SLC25A28: variants seen among roughly 807,000 people sequenced by gnomAD.
SLC25A28 encodes mitoferrin-2.
A neutral mutation model predicts 31.9 loss-of-function variants in SLC25A28; 10 were observed. The observed-to-expected ratio is 0.31, with a 90% CI of 0.19 to 0.53. The LOEUF is 0.53. Among genes scored for constraint, SLC25A28 ranks in the 20% least tolerant of loss-of-function variants. The pLI is 0.95. For missense variants in SLC25A28, 256 were observed against 490.3 expected (o/e 0.52, Z 4.51); for synonymous variants, 208 against 203.6 (o/e 1.02, Z -0.19).
At chr10:99,634,148 C>T in the SLC25A28 span, among the ~76,000 whole-genome samples, 1 of 152,200 alleles carries the variant, frequency 6.6e-6, no homozygotes, top group Admixed American at 6.5e-5. Context: ...ATTTGAACAA[C>T]AGCCTTCAGC....
At position 99,611,020 on chromosome 10, in the gene SLC25A28, C is replaced by T; in HGVS notation, c.924G>A (p.Met308Ile). ...NSHITGHITG[M>I]ASAFRTVYQV... ...GATATACCGTCCTGAAGGCACTAGC[C>T]ATGCCTGTGATATGTCCTGTAATGT... is the stretch of plus-strand genomic sequence containing the variant. Residue 308 changes from methionine to isoleucine, a missense_variant, in exon 4 of 4, where the codon ATG becomes ATA. By Grantham distance (10) the Met-to-Ile change is conservative. Coordinates refer to ENST00000370495, the MANE Select transcript of SLC25A28 (RefSeq NM_031212.4). The surrounding 1 kb of genome is among the most constrained non-coding windows in gnomAD (Gnocchi z 5.5). The T allele has an allele frequency of 6.2e-7, 1 of 1,614,204 alleles. No homozygotes were observed. The highest frequency in any genetic ancestry group is 8.5e-7 in the Non-Finnish European group (1 of 1,180,046).
At chr10:99,617,871 G>T in intron 1 of SLC25A28, 1 of 742,112 alleles carries the variant, frequency 1.3e-6, no homozygotes, top group Non-Finnish European at 1.6e-6. Context: ...AGTAAGAACT[G>T]TTCTTCAAAA....
At chr10:99,628,592 AG>A in the SLC25A28 span, among the ~76,000 whole-genome samples, 1 of 152,232 alleles carries the variant, frequency 6.6e-6, no homozygotes, top group South Asian at 2.1e-4. Flanking sequence ...TGGGAGGCTA[AG>A]GTGGGTGGAT....
chr10:99,649,791 G>T, the SLC25A28 span, among the ~76,000 whole-genome samples: 1 of 151,886 alleles, frequency 6.6e-6, no homozygotes, highest in Non-Finnish European at 1.5e-5. Flanking sequence ...GTATTTCTGT[G>T]GTATCATTTT....
In SLC25A28 at chr10:99,619,530, A is replaced by G. The variant is rs182300766; in HGVS notation, c.291+515T>C. On this transcript the variant is annotated intron_variant, in intron 1 of 3. Coordinates refer to ENST00000370495, the MANE Select transcript of SLC25A28 (RefSeq NM_031212.4). ...ACTGCACAATGATTTCCAATCACTC[A>G]TGTGTTAAGATTTAACATGTAAGTC... The G allele has an allele frequency of 1.3e-4, 78 of 621,818 alleles. No homozygotes were observed. The African/African-American group carries it at 1.5e-3, about 12-fold the overall frequency. The allele number at this position is 621,818 out of a possible 1,614,324, so 38.5% of individuals were successfully genotyped here.
chr10:99,654,844 A>G, the SLC25A28 span, among the ~76,000 whole-genome samples: 1 of 152,224 alleles, frequency 6.6e-6, no homozygotes, highest in South Asian at 2.1e-4. Context: ...CTGCAAATAT[A>G]ATTGTAAGGC....
At chr10:99,649,140 T>C in the SLC25A28 span, among the ~76,000 whole-genome samples, 2 of 152,168 alleles carry the variant, frequency 1.3e-5, no homozygotes, top group Non-Finnish European at 2.9e-5. Flanking sequence ...CTATGCCTAG[T>C]TTATTGAGGA....
intron 1 of SLC25A28, chr10:99,615,891 G>A (rs879896034): frequency 2.0e-6 from 2 of 985,374 alleles, no homozygotes; most frequent in African/African-American, 1.7e-5. Flanking sequence ...AATTCTGAAC[G>A]GTTTGGCTTC....
At chr10:99,640,963 C>G in the SLC25A28 span, among the ~76,000 whole-genome samples, 1 of 152,184 alleles carries the variant, frequency 6.6e-6, no homozygotes, top group Non-Finnish European at 1.5e-5. Flanking sequence ...TCCAGTCTAT[C>G]ATTGGTGGAC....
chr10:99,636,782 T>G, the SLC25A28 span, among the ~76,000 whole-genome samples: 4 of 152,114 alleles, frequency 2.6e-5, no homozygotes, highest in African/African-American at 9.7e-5. Flanking sequence ...AGCAGTGAGA[T>G]TGAAACGGTA....
intron 3 of SLC25A28, 144 bp downstream of exon 3, chr10:99,612,399 G>T: frequency 1.2e-6 from 1 of 849,006 alleles, no homozygotes; most frequent in Non-Finnish European, 1.9e-6. Context: ...TGCCTCGTTA[G>T]GTACCAAAAA....
intron 1 of SLC25A28, chr10:99,617,579 GA>G: frequency 1.0e-6 from 1 of 985,406 alleles, no homozygotes; most frequent in African/African-American, 1.7e-5. Context: ...TTTTCTGAAG[GA>G]AGAGATTTGA....
At chr10:99,618,517 A>G (rs1056008952) in intron 1 of SLC25A28, 18 of 985,294 alleles carry the variant, frequency 1.8e-5, no homozygotes, top group Non-Finnish European at 2.0e-5. Context: ...AAGTCATTCA[A>G]CCTAGAGTCT....
intron 1 of SLC25A28, chr10:99,618,765 T>C (rs900843088): frequency 1.0e-6 from 1 of 985,352 alleles, no homozygotes; most frequent in Non-Finnish European, 1.2e-6. Flanking sequence ...CAAAGCTTAA[T>C]GAGCGCTCCC....
chr10:99,632,774 T>C, the SLC25A28 span, among the ~76,000 whole-genome samples: 1 of 152,190 alleles, frequency 6.6e-6, no homozygotes, highest in East Asian at 1.9e-4. Flanking sequence ...CAGCACCAAA[T>C]TTTGGGTATC....
the SLC25A28 span, among the ~76,000 whole-genome samples, chr10:99,654,520 G>A: frequency 6.6e-6 from 1 of 152,062 alleles, no homozygotes; most frequent in Non-Finnish European, 1.5e-5. Context: ...AAACTAGCCA[G>A]GTGTGGTGAC....
At position 99,618,699 on chromosome 10, in the gene SLC25A28, G is replaced by GTAACT. The variant is rs1422481496; in HGVS notation, c.291+1345_291+1346insAGTTA. ...ATTTACCCCGTTTTCAATGGATATG[G>GTAACT]CCCTTGTTAGGAGTTACCTTGTGTT... On this transcript the variant is annotated intron_variant, in intron 1 of 3. Transcript: ENST00000370495. 17 of 985,296 alleles carry GTAACT rather than the reference G, an allele frequency of 1.7e-5. No homozygotes were observed. The African/African-American group carries it at 2.3e-4, about 13-fold the overall frequency. 61.0% of individuals were successfully genotyped at this position (985,296 alleles called of 1,614,324 possible).
At chr10:99,649,532 G>A in the SLC25A28 span, among the ~76,000 whole-genome samples, 1 of 152,176 alleles carries the variant, frequency 6.6e-6, no homozygotes, top group African/African-American at 2.4e-5. Context: ...ATTAGCAATA[G>A]TTCTTCTTTG....
chr10:99,618,037 T>C (rs1162303833), intron 1 of SLC25A28, among the ~76,000 whole-genome samples: 1 of 152,228 alleles, frequency 6.6e-6, no homozygotes, highest in African/African-American at 2.4e-5. Context: ...CTTATTTTGA[T>C]GCCAAGCAGT....
Sources: gnomAD v4.1 joint callset for allele counts (sites outside exome capture counted in the v4.1 genomes callset) on GRCh38, gnomAD v4.1.1 for gene constraint, Gnocchi (gnomAD v3.1) non-coding constraint, MANE v1.5 for transcripts, NCBI Gene and HGNC (gene_info 2026-07-23, HGNC 2026-07-21) for gene names.